The following ASB11 variants were observed in gnomAD, a reference collection of about 807,000 sequenced individuals.
ASB11 encodes the protein ankyrin repeat and SOCS box protein 11.
ASB11 carries 17 observed loss-of-function variants against 20.1 expected under a neutral mutation model. The observed-to-expected ratio is 0.85, with a 90% confidence interval of 0.58 to 1.27. The LOEUF is 1.27. Among genes scored for constraint, ASB11 ranks in the 50% most tolerant of loss-of-function variants. The pLI, the probability that ASB11 is intolerant of heterozygous loss-of-function variation, is 0.00. For synonymous variants in ASB11, 107 were observed against 105.6 expected (o/e 1.01, Z -0.08); for missense variants, 259 against 256.9 (o/e 1.01, Z -0.06).
chrX:15,289,818 G>A (rs964450431), intron 4 of ASB11, 180 bp from the exon 5 acceptor site: 38 of 387,767 alleles, frequency 9.8e-5, no homozygotes, highest in Non-Finnish European at 1.4e-4. Flanking sequence ...GAGGTCAGGA[G>A]TTCGAGACCA....
chrX:15,284,413 A>G (rs1425937195), intron 6 of ASB11, among the ~76,000 whole-genome samples: 2 of 111,337 alleles, frequency 1.8e-5, no homozygotes, highest in Non-Finnish European at 3.8e-5. Flanking sequence ...GCGTGGTGAC[A>G]GAGGCAGTGT....
intron 6 of ASB11, among the ~76,000 whole-genome samples, chrX:15,286,538 G>A (rs772924035): frequency 1.4e-4 from 15 of 108,267 alleles, no homozygotes; most frequent in Non-Finnish European, 2.5e-4. Flanking sequence ...GGTGGTGCAC[G>A]CCTGTAGTCC....
chrX:15,284,145 G>T (rs1042544722), intron 6 of ASB11, among the ~76,000 whole-genome samples: 1 of 106,426 alleles, frequency 9.4e-6, no homozygotes, highest in Non-Finnish European at 1.9e-5. Context: ...CCAGCTACTC[G>T]GGAGGCTGAG....
At chrX:15,310,707 G>A (rs901792081) in intron 1 of ASB11, among the ~76,000 whole-genome samples, 36 of 112,657 alleles carry the variant, frequency 3.2e-4, no homozygotes, top group African/African-American at 1.2e-3. Flanking sequence ...TGACCCAACA[G>A]CCGGGCGCGG....
intron 1 of ASB11, among the ~76,000 whole-genome samples, chrX:15,313,680 T>G (rs1921510905): frequency 8.9e-6 from 1 of 112,070 alleles, no homozygotes; most frequent in South Asian, 3.7e-4. Context: ...TTTAAGAGAT[T>G]TGTATTCCAG....
In ASB11 at chrX:15,290,288, A is replaced by T. The variant is rs1366669020; in HGVS notation, c.521-650T>A. Among the ~76,000 whole-genome samples the T allele has an allele frequency of 3.6e-5, 4 of 111,158 alleles. No homozygotes were observed. In the East Asian group the frequency reaches 1.1e-3, roughly 32 times the overall value. ...TACAAATGGAAGTGACAAGACCCAG[A>T]GGGACAAACGACTAGGCCTATTATT... is the stretch of plus-strand genomic sequence containing the variant. On this transcript the variant is annotated intron_variant, in intron 4 of 6. Transcript: ENST00000480796.
At chrX:15,309,703 C>A (rs1223570434) in intron 1 of ASB11, among the ~76,000 whole-genome samples, 2 of 109,837 alleles carry the variant, frequency 1.8e-5, no homozygotes, top group Non-Finnish European at 3.8e-5. Flanking sequence ...TGCAGTGGCT[C>A]ACGCCTGTAA....
rs138942411 is a variant in ASB11 at position 15,283,529 on chromosome X, G to T, written c.948C>A (p.Leu316=). Residue 316 remains leucine (L), a synonymous_variant, in exon 7 of 7, where the codon CTC becomes CTA. Coordinates refer to ENST00000480796, the MANE Select transcript of ASB11 (RefSeq NM_080873.3). ...AIHKLHLPEP[L]ERFLLYQ ...ACTATTGGTATAGGAGGAATCGTTC[G>T]AGTGGCTCTGGCAGATGTAGCTTGT... is the stretch of plus-strand genomic sequence containing the variant. The T allele has an allele frequency of 3.3e-6, 4 of 1,210,997 alleles. No individual in the cohort carries two copies. The highest frequency in any genetic ancestry group is 1.7e-5 in the African/African-American group (1 of 57,752).
At chrX:15,284,262 A>T in intron 6 of ASB11, among the ~76,000 whole-genome samples, 1 of 107,829 alleles carries the variant, frequency 9.3e-6, no homozygotes, top group Non-Finnish European at 1.9e-5. Context: ...AAAAAAAAAA[A>T]AAAAAAAAGA....
chrX:15,312,772 T>C (rs1223785553), intron 1 of ASB11, among the ~76,000 whole-genome samples: 1 of 112,005 alleles, frequency 8.9e-6, no homozygotes, highest in African/African-American at 3.2e-5. Flanking sequence ...GATTTCTGGT[T>C]TGAGTTTGAT....
At chrX:15,307,908 T>C (rs1453803427) in intron 1 of ASB11, among the ~76,000 whole-genome samples, 2 of 112,352 alleles carry the variant, frequency 1.8e-5, no homozygotes, top group Admixed American at 1.9e-4. Flanking sequence ...TAACACAGAC[T>C]AGCCCTCTTT....
At chrX:15,284,068 C>G (rs12006793) in intron 6 of ASB11, among the ~76,000 whole-genome samples, 17 of 105,236 alleles carry the variant, frequency 1.6e-4, no homozygotes, top group Non-Finnish European at 2.9e-4. Flanking sequence ...CTGGCTAACA[C>G]GGTGAAACCC....
chrX:15,308,870 G>A (rs189969315), intron 1 of ASB11, among the ~76,000 whole-genome samples: 44 of 111,457 alleles, frequency 3.9e-4, no homozygotes, highest in African/African-American at 1.3e-3. Context: ...GTTAGGAACC[G>A]GGCTGCACAG....
chrX:15,283,338 C>G lies in ASB11; in HGVS notation c.*167G>C. The G allele has an allele frequency of 2.1e-5, 13 of 632,978 alleles. No homozygotes were observed. The highest frequency in any genetic ancestry group is 3.1e-5 in the Non-Finnish European group (13 of 421,255). 52.2% of individuals were successfully genotyped at this position (632,978 alleles called of 1,213,427 possible). A position where few individuals can be genotyped will look rare whatever the true frequency, so the allele number is the denominator to read the frequency against. ...TTGGTTAATGAGAACATTAAACTAA[C>G]CAGGAGTTTCCACTCCTCAAGTGTT... On this transcript the variant is annotated 3_prime_UTR_variant, in exon 7 of 7. Coordinates refer to ENST00000480796, the MANE Select transcript of ASB11 (RefSeq NM_080873.3).
intron 2 of ASB11, among the ~76,000 whole-genome samples, chrX:15,302,224 G>A (rs1921090592): frequency 9.0e-6 from 1 of 111,552 alleles, no homozygotes; most frequent in East Asian, 2.8e-4. Flanking sequence ...TGAGATGACT[G>A]CAGCCCTGGC....
At chrX:15,289,774 A>G in intron 4 of ASB11, 136 bp from the exon 5 acceptor site, 1 of 734,277 alleles carries the variant, frequency 1.4e-6, no homozygotes, top group Non-Finnish European at 1.9e-6. Context: ...CTGTAATCTC[A>G]GCTTTTTGGG....
rs184549491 is a variant in ASB11, at chrX:15,283,264, A to C, written c.*241T>G. The C allele has an allele frequency of 1.6e-5, 5 of 307,274 alleles. No individual in the cohort carries two copies. The highest frequency in any genetic ancestry group is 1.0e-4 in the African/African-American group (4 of 38,164). The allele number at this position is 307,274 out of a possible 1,213,427, so 25.3% of individuals were successfully genotyped here. A position where few individuals can be genotyped will look rare whatever the true frequency, so the allele number is the denominator to read the frequency against. On this transcript the variant is annotated 3_prime_UTR_variant, in exon 7 of 7. Transcript: ENST00000480796. The stretch of plus-strand genomic sequence containing the variant: ...TTTCACTCTACTTCACAGTTCTTTT[A>C]AGTTTCTTAACAACAAGAGCTAAAA...
intron 1 of ASB11, among the ~76,000 whole-genome samples, chrX:15,307,355 T>G (rs761979340): frequency 2.7e-4 from 30 of 112,333 alleles, no homozygotes; most frequent in Non-Finnish European, 4.7e-4. Flanking sequence ...AAGGACTGGT[T>G]TCATGGAAGA....
At position 15,282,989 on chromosome X, in the gene ASB11, T is replaced by TAC. The variant is rs1212224777; in HGVS notation, c.*514_*515dup. Reference sequence around the variant, plus strand: ...GTGTATATATATACGTATATATATATACGTATATGTATGTATATATATATA... The same window carrying TAC: ...GTGTATATATATACGTATATATATATACACGTATATGTATGTATATATATATA... On this transcript the variant is annotated 3_prime_UTR_variant, in exon 7 of 7. Transcript: ENST00000480796. The TAC allele has an allele frequency of 3.8e-5, 4 of 104,966 alleles. No individual in the cohort carries two copies. The highest frequency in any genetic ancestry group is 7.7e-5 in the Non-Finnish European group (4 of 51,785). 8.7% of individuals were successfully genotyped at this position (104,966 alleles called of 1,213,427 possible).
Sources: gnomAD v4.1 joint callset for allele counts (sites outside exome capture counted in the v4.1 genomes callset) on GRCh38, gnomAD v4.1.1 for gene constraint, MANE v1.5 for transcripts, NCBI Gene and HGNC (gene_info 2026-07-23, HGNC 2026-07-21) for gene names.